The following TBC1D32 variants were observed in gnomAD, a reference collection of about 807,000 sequenced individuals.
TBC1D32 encodes the protein TBC1 domain family member 32, also known as protein broad-minded.
A neutral mutation model predicts 170.3 loss-of-function variants in TBC1D32; 151 were observed. That is an observed-to-expected ratio of 0.89 (90% CI 0.78 to 1.01). The LOEUF is 1.01. Among genes scored for constraint, TBC1D32 ranks in the 50% least tolerant of loss-of-function variants. The pLI, the probability that TBC1D32 is intolerant of heterozygous loss-of-function variation, is 0.00. For missense variants in TBC1D32, 1,464 were observed against 1,457.1 expected, an observed-to-expected ratio of 1.00 and a Z score of -0.08; for synonymous variants, 498 against 488.0, an observed-to-expected ratio of 1.02 and a Z score of -0.27.
At chr6:121,123,359 G>T (rs991045698) in intron 26 of TBC1D32, among the ~76,000 whole-genome samples, 2 of 152,056 alleles carry the variant, frequency 1.3e-5, no homozygotes, top group Admixed American at 1.3e-4. Flanking sequence ...CAGCTGTATT[G>T]CAGTTAATCT....
At chr6:121,086,014 A>G (rs553928300) in intron 31 of TBC1D32, among the ~76,000 whole-genome samples, 77 of 152,202 alleles carry the variant, frequency 5.1e-4, no homozygotes, top group South Asian at 1.7e-3. Context: ...TGGGAGCAAA[A>G]GTACACCAAA....
intron 5 of TBC1D32, among the ~76,000 whole-genome samples, chr6:121,305,127 T>C (rs994320140): frequency 6.6e-6 from 1 of 152,036 alleles, no homozygotes; most frequent in Non-Finnish European, 1.5e-5. Context: ...GAGGAGACAA[T>C]GTAAAGGTGT....
chr6:121,106,858 CAT>C (rs1778740549), intron 29 of TBC1D32, among the ~76,000 whole-genome samples: 2 of 151,742 alleles, frequency 1.3e-5, no homozygotes, highest in African/African-American at 4.8e-5. Context: ...TATTTACAAA[CAT>C]ATTGTTTATT....
At chr6:121,091,777 C>T (rs1776828942) in intron 30 of TBC1D32, among the ~76,000 whole-genome samples, 2 of 151,782 alleles carry the variant, frequency 1.3e-5, no homozygotes, top group Admixed American at 6.6e-5. Flanking sequence ...TGTCAAAGCC[C>T]TAACCCCCAG....
chr6:121,247,432 C>CA (rs1165648395), intron 17 of TBC1D32, among the ~76,000 whole-genome samples: 1 of 150,648 alleles, frequency 6.6e-6, no homozygotes, highest in Non-Finnish European at 1.5e-5. Flanking sequence ...AGTATCAAGG[C>CA]AAAAACTAAC....
intron 30 of TBC1D32, among the ~76,000 whole-genome samples, chr6:121,094,135 T>C (rs1777128082): frequency 1.3e-5 from 2 of 152,050 alleles, no homozygotes; most frequent in Non-Finnish European, 2.9e-5. Flanking sequence ...AATGCTGAGC[T>C]ATGAGTCATA....
intron 21 of TBC1D32, among the ~76,000 whole-genome samples, chr6:121,216,388 G>T (rs2173838): frequency 0.88 from 134,413 of 152,128 alleles, 59,830 homozygotes; most frequent in East Asian, 0.98. Context: ...CCCCTCTATA[G>T]GTATATTTAT....
intron 2 of TBC1D32, among the ~76,000 whole-genome samples, chr6:121,319,390 C>T (rs983593602): frequency 6.6e-6 from 1 of 151,972 alleles, no homozygotes; most frequent in African/African-American, 2.4e-5. Context: ...TTCTGGGCAG[C>T]AAAAAACAGG....
chr6:121,281,433 A>G, intron 14 of TBC1D32, 111 bp downstream of exon 14: 1 of 754,716 alleles, frequency 1.3e-6, no homozygotes. Flanking sequence ...ATACATTCAT[A>G]TATGGAAGGA....
chr6:121,266,640 T>G (rs1419441245), intron 15 of TBC1D32, among the ~76,000 whole-genome samples: 1 of 152,106 alleles, frequency 6.6e-6, no homozygotes, highest in Non-Finnish European at 1.5e-5. Context: ...CTATTCACAA[T>G]AGCAAAGATG....
rs375375945 is a variant in TBC1D32, at chr6:121,159,864, G to A, written c.2773+146C>T. The A allele has an allele frequency of 9.2e-6, 5 of 541,546 alleles. No individual in the cohort carries two copies. In the South Asian group the frequency reaches 1.2e-4, roughly 13 times the overall value. 33.5% of individuals were successfully genotyped at this position (541,546 alleles called of 1,614,324 possible). ...TGTACCAAGTTAGTAAGAAACATGA[G>A]GAAAAAAATACAAAGAAATAGGCAT... On this transcript the variant is annotated intron_variant, in intron 24 of 31. Transcript: ENST00000398212.
chr6:121,133,462 T>A (rs1297818821), intron 24 of TBC1D32, among the ~76,000 whole-genome samples: 2 of 152,028 alleles, frequency 1.3e-5, no homozygotes, highest in Non-Finnish European at 2.9e-5. Context: ...TATGTGTGTA[T>A]ATACATGTAA....
intron 22 of TBC1D32, among the ~76,000 whole-genome samples, chr6:121,172,400 T>G (rs1787152270): frequency 6.6e-6 from 1 of 151,978 alleles, no homozygotes; most frequent in Non-Finnish European, 1.5e-5. Context: ...TAAGGAAGAG[T>G]ATGCATGGAA....
chr6:121,321,421 T>C (rs941918150), intron 2 of TBC1D32, among the ~76,000 whole-genome samples: 2 of 152,162 alleles, frequency 1.3e-5, no homozygotes, highest in African/African-American at 4.8e-5. Context: ...GTAGGCCTCG[T>C]TGACTACAAA....
intron 8 of TBC1D32, 49 bp downstream of exon 8, chr6:121,304,316 C>T (rs764919498): frequency 2.6e-6 from 4 of 1,547,188 alleles, no homozygotes; most frequent in Non-Finnish European, 1.8e-6. Flanking sequence ...GTATATGGGG[C>T]AGTAACACCG....
intron 20 of TBC1D32, among the ~76,000 whole-genome samples, chr6:121,234,427 T>C (rs556829771): frequency 1.3e-5 from 2 of 152,206 alleles, no homozygotes; most frequent in East Asian, 3.9e-4. Context: ...TTTTTCTTTA[T>C]CTTTGATGGG....
At chr6:121,258,432 C>CTT in intron 15 of TBC1D32, among the ~76,000 whole-genome samples, 1 of 148,050 alleles carries the variant, frequency 6.8e-6, no homozygotes, top group East Asian at 2.0e-4. Context: ...TTCACTTTTT[C>CTT]TTTTTTTTTT....
intron 2 of TBC1D32, among the ~76,000 whole-genome samples, chr6:121,320,075 T>C (rs1273890915): frequency 6.6e-6 from 1 of 152,070 alleles, no homozygotes; most frequent in Non-Finnish European, 1.5e-5. Flanking sequence ...TGAATTCTTC[T>C]GTGTGCAAAT....
intron 12 of TBC1D32, among the ~76,000 whole-genome samples, chr6:121,286,718 A>T (rs1331139857): frequency 6.6e-6 from 1 of 152,210 alleles, no homozygotes; most frequent in Non-Finnish European, 1.5e-5. Context: ...ACCAAAGTTC[A>T]AATGAAGGAA....
Sources: allele counts gnomAD v4.1 joint callset (sites outside exome capture counted in the v4.1 genomes callset), GRCh38; gene constraint gnomAD v4.1.1; transcripts MANE v1.5; gene names NCBI Gene and HGNC (gene_info 2026-07-23, HGNC 2026-07-21).